Variants in NME7 observed in about 807,000 individuals in gnomAD.
NME7 encodes nucleoside diphosphate kinase 7.
NME7 carries 41 observed loss-of-function variants against 49.1 expected under a neutral mutation model. That is an observed-to-expected ratio of 0.83 (90% confidence interval 0.65 to 1.08). The LOEUF is 1.08. Among genes scored for constraint, NME7 ranks in the 50% least tolerant of loss-of-function variants. The pLI, the probability that NME7 is intolerant of heterozygous loss-of-function variation, is 0.00. For missense variants in NME7, 423 were observed against 463.4 expected (o/e 0.91, Z 0.80); for synonymous variants, 139 against 150.6 (o/e 0.92, Z 0.56).
chr1:169,248,997 A>T (rs1357650407), intron 7 of NME7, among the ~76,000 whole-genome samples: 1 of 151,992 alleles, frequency 6.6e-6, no homozygotes, highest in African/African-American at 2.4e-5. Flanking sequence ...GAATTTTAGA[A>T]TTGTTTTTTC....
rs113791864 is a variant in NME7 at position 169,229,967 on chromosome 1, A to G, written c.990+751T>C. 8.5e-3 allele frequency among the ~76,000 whole-genome samples: 1,289 copies of G among 152,214 alleles called. 8 individuals are homozygous for G. Among genetic ancestry groups the G allele is most frequent in the Non-Finnish European group, 0.013 (892 of 68,010 alleles). On this transcript the variant is annotated intron_variant, in intron 10 of 11. Coordinates refer to ENST00000367811, the MANE Select transcript of NME7 (RefSeq NM_013330.5). ...ACAGAGTGAGACTCCATCTAAAAAA[A>G]AAAAAAATTAAAAATAATAAACAAT...
chr1:169,166,879 GGAGAAATGCTT>G (rs1230337047), intron 11 of NME7, among the ~76,000 whole-genome samples: 1 of 152,174 alleles, frequency 6.6e-6, no homozygotes, highest in Non-Finnish European at 1.5e-5. Context: ...GGCTGAGGCT[GGAGAAATGCTT>G]GAACTCAGGA....
rs1288162794 is a variant in NME7 at position 169,146,605 on chromosome 1, A to G, written c.1099-13788T>C. ...TTTGAATATATTTCAAAAGCCTCAA[A>G]TGATTAAACCCAATGACCTTTTAAT... On this transcript the variant is annotated intron_variant, in intron 11 of 11. Coordinates refer to ENST00000367811, the MANE Select transcript of NME7 (RefSeq NM_013330.5). 8.5e-5 allele frequency among the ~76,000 whole-genome samples: 13 copies of G among 152,308 alleles called. No individual in the cohort carries two copies. The East Asian group carries it at 2.5e-3, about 29-fold the overall frequency.
intron 3 of NME7, among the ~76,000 whole-genome samples, chr1:169,319,974 G>A (rs1180539196): frequency 1.3e-5 from 2 of 152,092 alleles, no homozygotes; most frequent in East Asian, 3.8e-4. Flanking sequence ...AAAGATATAA[G>A]CTATCAAAGT....
At chr1:169,343,722 T>A (rs772696993) in intron 1 of NME7, among the ~76,000 whole-genome samples, 5 of 152,170 alleles carry the variant, frequency 3.3e-5, no homozygotes, top group Admixed American at 6.5e-5. Context: ...CTCAAACTCC[T>A]GACCTCAAGT....
intron 10 of NME7, among the ~76,000 whole-genome samples, chr1:169,212,846 C>T (rs575293352): frequency 7.9e-5 from 12 of 152,170 alleles, no homozygotes; most frequent in African/African-American, 2.9e-4. Flanking sequence ...ACAAGTTGGT[C>T]TCAAACTCCT....
chr1:169,351,036 C>A lies in NME7; in HGVS notation c.3+16672G>T, dbSNP rs1201957667. ...ATTTCTTAACCTATAGTAAGAACCA[C>A]AGTTTCCATTGGGACCAATACACAC... is the stretch of plus-strand genomic sequence containing the variant. On this transcript the variant is annotated intron_variant, in intron 1 of 11. Coordinates refer to ENST00000367811, the MANE Select transcript of NME7 (RefSeq NM_013330.5). Among the ~76,000 whole-genome samples, 5 of 151,722 alleles carry A rather than the reference C, an allele frequency of 3.3e-5. No homozygotes were observed. The East Asian group carries it at 9.7e-4, about 29-fold the overall frequency.
chr1:169,170,341 A>T (rs1211801369), intron 10 of NME7, among the ~76,000 whole-genome samples: 1 of 152,158 alleles, frequency 6.6e-6, no homozygotes, highest in African/African-American at 2.4e-5. Context: ...TGAAAGTGGA[A>T]ATCAGAAAGA....
At chr1:169,263,128 G>A (rs60110368) in intron 7 of NME7, among the ~76,000 whole-genome samples, 11,902 of 132,950 alleles carry the variant, frequency 0.09, 3,210 homozygotes, top group East Asian at 0.75. Context: ...TCAAAAACTG[G>A]AGGAATATCA....
intron 1 of NME7, among the ~76,000 whole-genome samples, chr1:169,342,498 T>TAC (rs1553196084): frequency 2.3e-5 from 3 of 133,086 alleles, no homozygotes; most frequent in African/African-American, 8.1e-5. Context: ...TATATATATA[T>TAC]ACAAGTACAT....
intron 1 of NME7, among the ~76,000 whole-genome samples, chr1:169,338,576 T>G (rs1311036590): frequency 6.6e-6 from 1 of 152,162 alleles, no homozygotes; most frequent in Non-Finnish European, 1.5e-5. Flanking sequence ...CCCATAATCT[T>G]GAAAATTTTT....
chr1:169,253,539 T>C (rs890827833), intron 7 of NME7, among the ~76,000 whole-genome samples: 21 of 152,136 alleles, frequency 1.4e-4, no homozygotes, highest in African/African-American at 1.2e-4. Flanking sequence ...CTTTTCCTAA[T>C]TGAATACCCT....
At chr1:169,326,839 T>C (rs987143111) in intron 1 of NME7, among the ~76,000 whole-genome samples, 3 of 152,100 alleles carry the variant, frequency 2.0e-5, no homozygotes, top group Non-Finnish European at 2.9e-5. Flanking sequence ...CTGACACACA[T>C]GCACATACAC....
chr1:169,230,818 TC>T lies in NME7; in HGVS notation c.889del (p.Asp297ThrfsTer3). ...VYKGVVTEYH[D>X]MVTEMYSGPC... is the part of the protein sequence containing the mutation. ...GCCAGAATACATTTCTGTCACCATG[TC>T]CTATGATATGTAATATAAAAGAATG... On this transcript the variant is annotated frameshift_variant and splice_region_variant, in exon 10 of 12. Coordinates refer to ENST00000367811, the MANE Select transcript of NME7 (RefSeq NM_013330.5). LOFTEE classifies it high-confidence loss of function. 6.4e-7 allele frequency: 1 copy of T among 1,567,750 alleles called. No individual in the cohort carries two copies. The highest frequency in any genetic ancestry group is 8.7e-7 in the Non-Finnish European group (1 of 1,152,540).
At chr1:169,191,745 A>G (rs540493066) in intron 10 of NME7, among the ~76,000 whole-genome samples, 13 of 152,288 alleles carry the variant, frequency 8.5e-5, no homozygotes, top group Admixed American at 2.0e-4. Context: ...TTTTCAATCA[A>G]TATCTCAGTT....
rs1261737302 is a variant in NME7 at position 169,354,956 on chromosome 1, G to A, written c.3+12752C>T. On this transcript the variant is annotated intron_variant, in intron 1 of 11. Coordinates refer to ENST00000367811, the MANE Select transcript of NME7 (RefSeq NM_013330.5). ...CTATTATGTATTATATATTATATAT[G>A]TTTATATATAATATAATTATATATG... Among the ~76,000 whole-genome samples the A allele has an allele frequency of 3.4e-4, 14 of 41,722 alleles. 1 individual carries two copies. Among genetic ancestry groups the A allele is most frequent in the Non-Finnish European group, 6.7e-4 (12 of 17,904 alleles). 27.4% of individuals were successfully genotyped at this position (41,722 alleles called of 152,430 possible).
At chr1:169,143,376 C>T (rs1021457638) in intron 11 of NME7, among the ~76,000 whole-genome samples, 1 of 150,904 alleles carries the variant, frequency 6.6e-6, no homozygotes, top group African/African-American at 2.4e-5. Flanking sequence ...TTTTCTCGGC[C>T]TGGAGTCAAC....
intron 11 of NME7, among the ~76,000 whole-genome samples, chr1:169,152,807 C>T (rs1452109232): frequency 6.6e-6 from 1 of 152,200 alleles, no homozygotes; most frequent in South Asian, 2.1e-4. Flanking sequence ...AACTCTGCTG[C>T]TTGGTTAAAG....
rs553950005 is a variant in NME7, at chr1:169,321,881, A to T, written c.278+1236T>A. ...ATCATTTTTGGAGCCTTTTATACAT[A>T]TAGCCTTAACTTCTACAAATAATCC... On this transcript the variant is annotated intron_variant, in intron 3 of 11. Transcript: ENST00000367811. 3.9e-5 allele frequency among the ~76,000 whole-genome samples: 6 copies of T among 152,296 alleles called. No individual in the cohort carries two copies. In the South Asian group the frequency reaches 1.2e-3, roughly 32 times the overall value.
Sources: allele counts gnomAD v4.1 joint callset (sites outside exome capture counted in the v4.1 genomes callset), GRCh38; gene constraint gnomAD v4.1.1; transcripts MANE v1.5; gene names NCBI Gene and HGNC (gene_info 2026-07-23, HGNC 2026-07-21).